The following RBFOX1 variants were observed in gnomAD, a reference collection of about 807,000 sequenced individuals.
The protein encoded by RBFOX1 is RNA binding protein fox-1 homolog 1.
In RBFOX1, 8 loss-of-function variants were observed where a neutral mutation model predicts 57.7. The observed-to-expected ratio is 0.14, with a 90% CI of 0.08 to 0.25. The LOEUF is 0.25. Among genes scored for constraint, RBFOX1 ranks in the 10% least tolerant of loss-of-function variants. The probability of loss-of-function intolerance (pLI) is 1.00; values close to 1 mark genes in which losing one functional copy is unlikely to be tolerated. For missense variants in RBFOX1, 611 were observed against 548.5 expected, an observed-to-expected ratio of 1.11 and a Z score of -1.14; for synonymous variants, 326 against 222.4, an observed-to-expected ratio of 1.47 and a Z score of -4.15.
intron 4 of RBFOX1, among the ~76,000 whole-genome samples, chr16:7,400,744 G>T (rs144085199): frequency 6.6e-6 from 1 of 152,286 alleles, no homozygotes; most frequent in East Asian, 1.9e-4. Context: ...CCATCAGTCT[G>T]CAGTAATCCA....
At chr16:6,813,888 GA>G (rs1370276430) in intron 3 of RBFOX1, among the ~76,000 whole-genome samples, 10 of 152,082 alleles carry the variant, frequency 6.6e-5, no homozygotes, top group Non-Finnish European at 7.4e-5. Context: ...GTTAGGTAAT[GA>G]AGGGAGATAA....
intron 2 of RBFOX1, among the ~76,000 whole-genome samples, chr16:6,425,960 C>T (rs982918415): frequency 6.6e-6 from 1 of 152,110 alleles, no homozygotes; most frequent in African/African-American, 2.4e-5. Flanking sequence ...ATTTACCCCT[C>T]CCCCAGCCCC....
intron 4 of RBFOX1, among the ~76,000 whole-genome samples, chr16:7,123,567 A>G (rs1385890363): frequency 6.6e-6 from 1 of 151,928 alleles, no homozygotes; most frequent in Non-Finnish European, 1.5e-5. Context: ...GTTTTGACAT[A>G]TTGTCCAGGT....
intron 2 of RBFOX1, among the ~76,000 whole-genome samples, chr16:6,642,056 C>G (rs570128162): frequency 6.6e-6 from 1 of 152,154 alleles, no homozygotes; most frequent in Non-Finnish European, 1.5e-5. Context: ...AGTTTGCATG[C>G]TGTCTGAGGG....
chr16:6,723,402 A>G (rs1187873599), intron 3 of RBFOX1, among the ~76,000 whole-genome samples: 1 of 152,164 alleles, frequency 6.6e-6, no homozygotes, highest in Non-Finnish European at 1.5e-5. Flanking sequence ...ACTTAAAGAT[A>G]CCACTATGGA....
intron 4 of RBFOX1, among the ~76,000 whole-genome samples, chr16:7,495,008 C>G (rs1279064508): frequency 6.6e-6 from 1 of 152,022 alleles, no homozygotes; most frequent in African/African-American, 2.4e-5. Context: ...GTCTGTTGTT[C>G]CCTTATTTAT....
intron 2 of RBFOX1, among the ~76,000 whole-genome samples, chr16:6,333,730 T>C (rs1441451280): frequency 6.6e-6 from 1 of 152,214 alleles, no homozygotes; most frequent in Non-Finnish European, 1.5e-5. Context: ...ACATTAGGAA[T>C]TGGCTTTTAA....
intron 4 of RBFOX1, among the ~76,000 whole-genome samples, chr16:5,915,128 C>T (rs1407310794): frequency 9.2e-5 from 14 of 152,158 alleles, no homozygotes. Context: ...CTGCTCATTC[C>T]ACTACTTTTT....
At chr16:7,210,597 T>C (rs2090936792) in intron 4 of RBFOX1, among the ~76,000 whole-genome samples, 1 of 148,070 alleles carries the variant, frequency 6.8e-6, no homozygotes, top group Non-Finnish European at 1.5e-5. Context: ...CTGACCGTCA[T>C]ACTGATGCTA....
At chr16:7,708,570 C>G (rs879860165) in intron 14 of RBFOX1, among the ~76,000 whole-genome samples, 1 of 152,180 alleles carries the variant, frequency 6.6e-6, no homozygotes, top group Admixed American at 6.6e-5. Context: ...TGTTCCTTTC[C>G]ATTCTAAGAT....
chr16:5,734,059 C>T (rs1377863279), intron 3 of RBFOX1, among the ~76,000 whole-genome samples: 1 of 152,192 alleles, frequency 6.6e-6, no homozygotes, highest in African/African-American at 2.4e-5. Context: ...AGCCCAGGCA[C>T]TTTCCCAGGG....
chr16:6,935,186 G>C (rs961231917), intron 3 of RBFOX1, among the ~76,000 whole-genome samples: 7 of 152,210 alleles, frequency 4.6e-5, no homozygotes, highest in Admixed American at 4.6e-4. Context: ...TCATCGAAGT[G>C]AGATAATAAT....
chr16:6,375,991 G>A (rs2091126362), intron 2 of RBFOX1, among the ~76,000 whole-genome samples: 1 of 152,096 alleles, frequency 6.6e-6, no homozygotes, highest in Non-Finnish European at 1.5e-5. Flanking sequence ...CTCCCCCTCT[G>A]TTTTGTTTCA....
At chr16:6,562,950 G>A (rs17140607) in intron 2 of RBFOX1, among the ~76,000 whole-genome samples, 77,403 of 141,710 alleles carry the variant, frequency 0.55, 21,742 homozygotes, top group East Asian at 0.73. Flanking sequence ...GAGTCCCACA[G>A]CCCTTTCCTG....
intron 3 of RBFOX1, among the ~76,000 whole-genome samples, chr16:5,709,619 G>C (rs942741945): frequency 6.6e-6 from 1 of 150,714 alleles, no homozygotes; most frequent in African/African-American, 2.4e-5. Flanking sequence ...TCATTAGCTA[G>C]GTGTGTCAGG....
At chr16:7,564,211 G>A (rs1601910951) in intron 5 of RBFOX1, among the ~76,000 whole-genome samples, 1 of 152,072 alleles carries the variant, frequency 6.6e-6, no homozygotes, top group South Asian at 2.1e-4. Context: ...AGAGATATCA[G>A]AGCTTCCCTC....
At chr16:7,309,458 G>C (rs548882020) in intron 4 of RBFOX1, among the ~76,000 whole-genome samples, 1 of 152,314 alleles carries the variant, frequency 6.6e-6, no homozygotes, top group African/African-American at 2.4e-5. Flanking sequence ...CGCCTGCTCT[G>C]CCTGCCATTT....
chr16:6,499,558 G>A (rs892790533), intron 2 of RBFOX1, among the ~76,000 whole-genome samples: 50 of 152,098 alleles, frequency 3.3e-4, no homozygotes, highest in Non-Finnish European at 1.0e-4. Flanking sequence ...TCTCCCGTGT[G>A]AGCCATGATT....
Position 6,285,593 on chromosome 16 carries a change from C to T in RBFOX1, c.-126-31402C>T, listed in dbSNP as rs573936915. 1.2e-3 allele frequency among the ~76,000 whole-genome samples: 184 copies of T among 152,268 alleles called. 1 individual carries two copies. The highest frequency in any genetic ancestry group is 4.1e-3 in the African/African-American group (170 of 41,548). ...CAGATTCTGAGATGCATAATAGCTT[C>T]TGCTTTTTGTTCTGGTGAGAGGTTT... On this transcript the variant is annotated intron_variant, in intron 1 of 15. Coordinates refer to ENST00000550418, the MANE Select transcript of RBFOX1 (RefSeq NM_018723.4).
Sources: allele counts gnomAD v4.1 joint callset (sites outside exome capture counted in the v4.1 genomes callset), GRCh38; gene constraint gnomAD v4.1.1; transcripts MANE v1.5; gene names NCBI Gene and HGNC (gene_info 2026-07-23, HGNC 2026-07-21).